CEP192: variants seen among roughly 807,000 people sequenced by gnomAD.
The protein encoded by CEP192 is centrosomal protein 192, also known as centrosomal protein of 192 kDa.
CEP192 carries 151 observed loss-of-function variants against 271.8 expected under a neutral mutation model. The ratio of observed to expected loss-of-function variants is 0.56; its 90% CI spans 0.49 to 0.64. CEP192 has a LOEUF of 0.64. CEP192 is among the 30% of genes least tolerant of loss of function. CEP192 has a pLI of 0.00. For synonymous variants in CEP192, 995 were observed against 1,076.5 expected, an observed-to-expected ratio of 0.92 and a Z score of 1.48; for missense variants, 2,910 against 3,020.5, an observed-to-expected ratio of 0.96 and a Z score of 0.86.
chr18:13,001,405 T>G (rs1051633470), intron 2 of CEP192, 52 bp from the exon 3 acceptor site: 2 of 1,325,802 alleles, frequency 1.5e-6, no homozygotes, highest in African/African-American at 2.9e-5. Flanking sequence ...TGATGACATT[T>G]AAATATGTGT....
intron 9 of CEP192, among the ~76,000 whole-genome samples, chr18:13,023,049 T>C (rs1252306543): frequency 2.0e-5 from 3 of 152,202 alleles, no homozygotes; most frequent in Non-Finnish European, 2.9e-5. Flanking sequence ...CTGTCATCTT[T>C]TATTAGTTCC....
intron 20 of CEP192, 33 bp from the exon 21 acceptor site, chr18:13,059,049 A>G (rs1321102055): frequency 2.8e-6 from 4 of 1,413,938 alleles, no homozygotes; most frequent in South Asian, 2.3e-5. Flanking sequence ...GTGTGAAGCC[A>G]TTAATAACGA....
intron 5 of CEP192, among the ~76,000 whole-genome samples, chr18:13,013,614 C>T (rs777944060): frequency 5.3e-5 from 8 of 152,092 alleles, no homozygotes; most frequent in East Asian, 1.9e-4. Flanking sequence ...TGTGCTTGTG[C>T]GTGAGTGTGT....
rs2033649543 is a variant in CEP192, at chr18:13,001,610, C to G, written c.290+28C>G. The G allele has an allele frequency of 2.0e-6, 3 of 1,532,534 alleles. No individual in the cohort carries two copies. In the African/African-American group the frequency reaches 4.1e-5, roughly 21 times the overall value. The allele number at this position is 1,532,534 out of a possible 1,614,324, so 94.9% of individuals were successfully genotyped here. On this transcript the variant is annotated intron_variant, in intron 3 of 44. Coordinates refer to ENST00000506447, the MANE Select transcript of CEP192 (RefSeq NM_032142.4). Reference sequence around the variant, plus strand: ...AAGTTCATACCTTCATTTGCTTGTACTGTGTTAAAAGTGGGTCTTACGCAG... The same window carrying G: ...AAGTTCATACCTTCATTTGCTTGTAGTGTGTTAAAAGTGGGTCTTACGCAG...
intron 44 of CEP192, among the ~76,000 whole-genome samples, chr18:13,122,112 A>G (rs1391955033): frequency 6.6e-6 from 1 of 151,952 alleles, no homozygotes; most frequent in African/African-American, 2.4e-5. Context: ...AACATGTGAA[A>G]CCCTGTCTCT....
intron 9 of CEP192, among the ~76,000 whole-genome samples, chr18:13,021,144 A>G (rs2034967509): frequency 6.6e-6 from 1 of 152,208 alleles, no homozygotes; most frequent in South Asian, 2.1e-4. Context: ...GTCAAATTCA[A>G]TGTCATGAAG....
At chr18:12,992,258 C>T (rs536657576) in intron 1 of CEP192, among the ~76,000 whole-genome samples, 7 of 152,162 alleles carry the variant, frequency 4.6e-5, no homozygotes, top group Non-Finnish European at 1.0e-4. Flanking sequence ...GCAAAAACGG[C>T]AAGCCTTGAA....
chr18:12,995,124 C>T (rs936772389), intron 1 of CEP192, among the ~76,000 whole-genome samples: 4 of 138,980 alleles, frequency 2.9e-5, no homozygotes, highest in Non-Finnish European at 6.0e-5. Flanking sequence ...TACAGTGGCG[C>T]GATCTCGGCT....
At chr18:13,092,303 T>A in intron 33 of CEP192, 74 bp from the exon 34 acceptor site, 1 of 1,052,260 alleles carries the variant, frequency 9.5e-7, no homozygotes, top group South Asian at 1.6e-5. Flanking sequence ...GCTATAAATA[T>A]ACAAATGTAT....
In CEP192 at chr18:13,049,324, G is replaced by C; in HGVS notation, c.2533G>C (p.Val845Leu). The part of the protein sequence containing the change: ...RAPEENTAAI[V>L]YVENGESENQ... The stretch of plus-strand genomic sequence containing the variant: ...ACCAGAAGAAAACACAGCAGCTATT[G>C]TTTATGTTGAAAATGGAGAGAGTGA... The change falls in exon 16 of 45, where the codon GTT (valine) becomes CTT (leucine). Residue 845 changes from valine (V) to leucine (L), a missense_variant. Val to Leu is a conservative substitution (Grantham distance 32). Coordinates refer to ENST00000506447, the MANE Select transcript of CEP192 (RefSeq NM_032142.4). 1 of 1,614,116 alleles carries C rather than the reference G, an allele frequency of 6.2e-7. No individual in the cohort carries two copies. Among genetic ancestry groups the C allele is most frequent in the East Asian group, 2.2e-5 (1 of 44,874 alleles).
chr18:12,992,818 C>T (rs2032958518), intron 1 of CEP192, among the ~76,000 whole-genome samples: 1 of 152,092 alleles, frequency 6.6e-6, no homozygotes, highest in Non-Finnish European at 1.5e-5. Flanking sequence ...GGGGAGCTGC[C>T]TTATTTATCT....
intron 44 of CEP192, among the ~76,000 whole-genome samples, chr18:13,124,116 T>G (rs1388618142): frequency 6.6e-6 from 1 of 151,920 alleles, no homozygotes; most frequent in African/African-American, 2.4e-5. Flanking sequence ...GTCAAGATCA[T>G]GCCATTACAC....
At chr18:13,042,405 T>C in intron 15 of CEP192, 71 bp downstream of exon 15, 2 of 1,487,478 alleles carry the variant, frequency 1.3e-6, no homozygotes, top group Non-Finnish European at 1.8e-6. Flanking sequence ...CAAGACGAGA[T>C]CACCTGTGAA....
At chr18:13,055,501 C>G (rs1319710026) in intron 18 of CEP192, among the ~76,000 whole-genome samples, 2 of 152,166 alleles carry the variant, frequency 1.3e-5, no homozygotes, top group Non-Finnish European at 2.9e-5. Context: ...TTACTAGACT[C>G]TGGTCGTTTA....
chr18:13,021,775 T>G (rs2035010849), intron 9 of CEP192, among the ~76,000 whole-genome samples: 1 of 152,234 alleles, frequency 6.6e-6, no homozygotes, highest in Admixed American at 6.5e-5. Flanking sequence ...CTTTAGGTCT[T>G]CTTTCTTTAA....
chr18:13,098,713 G>A (rs1321226340), intron 36 of CEP192, among the ~76,000 whole-genome samples: 1 of 151,524 alleles, frequency 6.6e-6, no homozygotes, highest in Non-Finnish European at 1.5e-5. Context: ...GCCAGGCAGA[G>A]GGGCCCCTCA....
In CEP192 at chr18:13,042,221, T is replaced by A; in HGVS notation, c.1954T>A (p.Ser652Thr). The A allele has an allele frequency of 6.2e-7, 1 of 1,612,660 alleles. No homozygotes were observed. Among genetic ancestry groups the A allele is most frequent in the South Asian group, 1.1e-5 (1 of 91,034 alleles). Residue 652 changes from serine (S) to threonine (T), a missense_variant, in exon 15 of 45, where the codon TCC (serine) becomes ACC (threonine). Transcript: ENST00000506447. ...DLYSGDLNEQ[S>T]QAQLSEGSIT... is the part of the protein sequence containing the mutation. ...TCCTGCAGGAGATTTAAATGAACAG[T>A]CCCAGGCACAGCTAAGTGAAGGATC...
intron 42 of CEP192, among the ~76,000 whole-genome samples, chr18:13,114,576 C>A (rs577139200): frequency 2.0e-5 from 3 of 152,160 alleles, no homozygotes; most frequent in South Asian, 4.2e-4. Context: ...ACCTATAGTT[C>A]ATTCCTTTTT....
intron 37 of CEP192, 21 bp downstream of exon 37, chr18:13,099,602 G>GTT (rs748024356): frequency 1.2e-4 from 141 of 1,152,034 alleles, no homozygotes; most frequent in Middle Eastern, 2.1e-4. Flanking sequence ...AAGTGGTTTG[G>GTT]TTTTTTTTTT....
Sources: allele counts gnomAD v4.1 joint callset (sites outside exome capture counted in the v4.1 genomes callset), GRCh38; gene constraint gnomAD v4.1.1; transcripts MANE v1.5; gene names NCBI Gene and HGNC (gene_info 2026-07-23, HGNC 2026-07-21).